ERBB4: variants seen among roughly 807,000 people sequenced by gnomAD.
The protein encoded by ERBB4 is receptor tyrosine-protein kinase erbB-4.
A neutral mutation model predicts 158.0 loss-of-function variants in ERBB4; 42 were observed. The ratio of observed to expected loss-of-function variants is 0.27; its 90% CI spans 0.21 to 0.34. The LOEUF (loss-of-function observed/expected upper bound fraction) is 0.34, where lower values mean the gene tolerates loss of function less well. Ranked by LOEUF, ERBB4 falls within the 10% of genes least tolerant of loss-of-function variation. The pLI is 1.00. For missense variants in ERBB4, 1,333 were observed against 1,624.1 expected, an observed-to-expected ratio of 0.82 and a Z score of 3.08; for synonymous variants, 583 against 558.7, an observed-to-expected ratio of 1.04 and a Z score of -0.61.
Position 211,679,227 on chromosome 2 carries a change from T to C in ERBB4, c.1490-43A>G, listed in dbSNP as rs1574972526. 2.5e-6 allele frequency: 4 copies of C among 1,607,970 alleles called. No homozygotes were observed. In the East Asian group the frequency reaches 8.9e-5, roughly 36 times the overall value. ...CAAGGGGAAATAAAACAGAGGATTG[T>C]GTCAAAACTTAAAATCTTCCTAGGT... On this transcript the variant is annotated intron_variant, in intron 12 of 27. Coordinates refer to ENST00000342788, the MANE Select transcript of ERBB4 (RefSeq NM_005235.3).
chr2:212,282,584 T>C (rs1251508879), intron 1 of ERBB4, among the ~76,000 whole-genome samples: 3 of 152,028 alleles, frequency 2.0e-5, no homozygotes, highest in Middle Eastern at 3.4e-3. Flanking sequence ...ATACTTGTTA[T>C]TTACTATGGA....
chr2:211,508,698 G>T (rs992730204), intron 20 of ERBB4, among the ~76,000 whole-genome samples: 1 of 152,060 alleles, frequency 6.6e-6, no homozygotes, highest in African/African-American at 2.4e-5. Context: ...CTACTATAAG[G>T]TCACATGCAT....
intron 1 of ERBB4, among the ~76,000 whole-genome samples, chr2:212,179,311 A>T (rs2081778686): frequency 6.8e-6 from 1 of 146,540 alleles, no homozygotes; most frequent in South Asian, 2.1e-4. Context: ...TTCCTCCTGC[A>T]TACACAGTCC....
At chr2:212,302,595 A>G (rs2106211969) in intron 1 of ERBB4, among the ~76,000 whole-genome samples, 1 of 151,646 alleles carries the variant, frequency 6.6e-6, no homozygotes, top group Middle Eastern at 3.4e-3. Flanking sequence ...CTAAGCAATC[A>G]CCTTCTCTAT....
chr2:211,580,808 ATAT>A lies in ERBB4; in HGVS notation c.2302-18723_2302-18721del, dbSNP rs1559317069. 1.4e-3 allele frequency among the ~76,000 whole-genome samples: 75 copies of A among 53,026 alleles called. 6 individuals carry two copies. Among genetic ancestry groups the A allele is most frequent in the South Asian group, 2.0e-3 (4 of 1,982 alleles). The allele number at this position is 53,026 out of a possible 152,430, so 34.8% of individuals were successfully genotyped here. ...TTGTGATATATATATATATATATAT[ATAT>A]AATATATATATATTATATATATAGA... On this transcript the variant is annotated intron_variant, in intron 19 of 27. Coordinates refer to ENST00000342788, the MANE Select transcript of ERBB4 (RefSeq NM_005235.3).
intron 17 of ERBB4, among the ~76,000 whole-genome samples, chr2:211,629,632 C>T (rs191862233): frequency 1.1e-4 from 16 of 152,292 alleles, no homozygotes; most frequent in African/African-American, 3.6e-4. Flanking sequence ...CATCACGCTA[C>T]CTGACTTCAA....
intron 1 of ERBB4, among the ~76,000 whole-genome samples, chr2:212,170,072 G>A (rs2081468783): frequency 6.6e-6 from 1 of 152,146 alleles, no homozygotes; most frequent in South Asian, 2.1e-4. Flanking sequence ...AATGGGCAGA[G>A]GTTGGAACAA....
chr2:212,357,097 T>C (rs947728127), intron 1 of ERBB4, among the ~76,000 whole-genome samples: 1 of 151,952 alleles, frequency 6.6e-6, no homozygotes, highest in African/African-American at 2.4e-5. Context: ...TCAAAAATTA[T>C]GTGAGCAAAT....
intron 2 of ERBB4, among the ~76,000 whole-genome samples, chr2:211,964,298 T>C (rs1195624080): frequency 6.6e-6 from 1 of 152,178 alleles, no homozygotes; most frequent in East Asian, 1.9e-4. Context: ...ATCACAGCAC[T>C]GGTATTTTAT....
intron 13 of ERBB4, among the ~76,000 whole-genome samples, chr2:211,674,145 A>G (rs541056396): frequency 6.6e-6 from 1 of 152,272 alleles, no homozygotes; most frequent in South Asian, 2.1e-4. Context: ...ACAGGAGGAT[A>G]AAGTACTGAG....
intron 1 of ERBB4, among the ~76,000 whole-genome samples, chr2:212,362,507 T>C (rs897161188): frequency 6.0e-5 from 9 of 150,752 alleles, no homozygotes; most frequent in Admixed American, 1.3e-4. Flanking sequence ...AAAAATGTCA[T>C]GTAAGCTATC....
intron 1 of ERBB4, among the ~76,000 whole-genome samples, chr2:212,309,384 A>AAT (rs1468352413): frequency 6.6e-6 from 1 of 150,940 alleles, no homozygotes; most frequent in African/African-American, 2.4e-5. Flanking sequence ...ATTATAAAAT[A>AAT]AATGCTTGGT....
At chr2:212,281,930 C>T (rs757232412) in intron 1 of ERBB4, among the ~76,000 whole-genome samples, 2 of 151,648 alleles carry the variant, frequency 1.3e-5, no homozygotes, top group African/African-American at 2.4e-5. Context: ...CTATGCCACT[C>T]AATACACGAT....
At chr2:212,267,379 T>C (rs1227778387) in intron 1 of ERBB4, among the ~76,000 whole-genome samples, 3 of 151,894 alleles carry the variant, frequency 2.0e-5, no homozygotes, top group Non-Finnish European at 2.9e-5. Flanking sequence ...TAAAAAAAGA[T>C]TCCAGAATCT....
At chr2:211,537,553 A>G (rs537698610) in intron 20 of ERBB4, among the ~76,000 whole-genome samples, 3 of 151,986 alleles carry the variant, frequency 2.0e-5, no homozygotes, top group Non-Finnish European at 4.4e-5. Flanking sequence ...GGAAAGCTTT[A>G]GGTTTCTAGG....
At chr2:211,987,289 C>A (rs1197865122) in intron 2 of ERBB4, among the ~76,000 whole-genome samples, 2 of 125,384 alleles carry the variant, frequency 1.6e-5, no homozygotes, top group East Asian at 5.4e-4. Context: ...CCACTATACT[C>A]CAGCCTGGGT....
At chr2:212,255,316 C>T (rs1310868758) in intron 1 of ERBB4, among the ~76,000 whole-genome samples, 1 of 151,912 alleles carries the variant, frequency 6.6e-6, no homozygotes, top group Non-Finnish European at 1.5e-5. Flanking sequence ...AGTCATTCAA[C>T]CCTTTTTAAA....
intron 3 of ERBB4, among the ~76,000 whole-genome samples, chr2:211,818,575 A>T (rs137864692): frequency 1.3e-5 from 2 of 152,284 alleles, no homozygotes; most frequent in East Asian, 3.9e-4. Context: ...CTTATGTTTA[A>T]GTACTTAAAG....
At chr2:212,462,611 G>A in intron 1 of ERBB4, among the ~76,000 whole-genome samples, 1 of 152,066 alleles carries the variant, frequency 6.6e-6, no homozygotes, top group Non-Finnish European at 1.5e-5. Context: ...AAGAAATAAT[G>A]ACAGGGATGC....
Sources: allele counts gnomAD v4.1 joint callset (sites outside exome capture counted in the v4.1 genomes callset), GRCh38; gene constraint gnomAD v4.1.1; transcripts MANE v1.5; gene names NCBI Gene and HGNC (gene_info 2026-07-23, HGNC 2026-07-21).